The following PCSK5 variants were observed in gnomAD, a reference collection of about 807,000 sequenced individuals.
The protein encoded by PCSK5 is prohormone convertase 5.
Under a neutral mutation model 233.2 loss-of-function variants are expected in PCSK5, and 129 were observed. That is an observed-to-expected ratio of 0.55 (90% CI 0.48 to 0.64). The LOEUF is 0.64. Among genes scored for constraint, PCSK5 ranks in the 30% least tolerant of loss-of-function variants. The pLI, the probability that PCSK5 is intolerant of heterozygous loss-of-function variation, is 0.00. For missense variants in PCSK5, 2,076 were observed against 2,430.1 expected (o/e 0.85, Z 3.06); for synonymous variants, 825 against 879.2 (o/e 0.94, Z 1.09).
chr9:75,943,129 C>T (rs1469517504), intron 2 of PCSK5, among the ~76,000 whole-genome samples: 1 of 152,054 alleles, frequency 6.6e-6, no homozygotes, highest in Admixed American at 6.5e-5. Context: ...AGGTGATCCA[C>T]CCGCCTCTGC....
intron 8 of PCSK5, among the ~76,000 whole-genome samples, chr9:76,098,888 G>A (rs139427486): frequency 5.9e-5 from 9 of 152,226 alleles, no homozygotes; most frequent in Middle Eastern, 3.4e-3. Flanking sequence ...TGTGGTTGCC[G>A]CTGTGACTCC....
chr9:76,236,629 C>CA (rs1432005824), intron 22 of PCSK5, among the ~76,000 whole-genome samples: 1 of 152,218 alleles, frequency 6.6e-6, no homozygotes, highest in Non-Finnish European at 1.5e-5. Flanking sequence ...CAGGGCTACT[C>CA]AAAATCTGAC....
chr9:76,062,809 A>C (rs1830076703), intron 5 of PCSK5, among the ~76,000 whole-genome samples: 1 of 152,210 alleles, frequency 6.6e-6, no homozygotes, highest in African/African-American at 2.4e-5. Flanking sequence ...TAATATTCCA[A>C]ATCTTCTCTT....
At chr9:76,352,278 C>T (rs939850391) in intron 36 of PCSK5, among the ~76,000 whole-genome samples, 22 of 152,168 alleles carry the variant, frequency 1.4e-4, no homozygotes, top group African/African-American at 5.1e-4. Context: ...GGGAGTGTAG[C>T]AGTGAGAACC....
intron 1 of PCSK5, among the ~76,000 whole-genome samples, chr9:75,893,754 A>T: frequency 6.6e-6 from 1 of 152,192 alleles, no homozygotes; most frequent in East Asian, 1.9e-4. Context: ...ACCAAGGATG[A>T]TTTATTGTGG....
At chr9:76,138,910 T>A (rs1823087148) in intron 10 of PCSK5, among the ~76,000 whole-genome samples, 1 of 152,004 alleles carries the variant, frequency 6.6e-6, no homozygotes, top group South Asian at 2.1e-4. Context: ...TCTACCAGCA[T>A]GTTGCTGAAA....
intron 20 of PCSK5, chr9:76,193,289 C>T (rs779108701): frequency 3.0e-5 from 48 of 1,613,060 alleles, no homozygotes; most frequent in Non-Finnish European, 4.0e-5. Context: ...TGAAAAAGAA[C>T]AATCTGTGCC....
At chr9:76,317,801 G>T (rs1265768831) in intron 30 of PCSK5, among the ~76,000 whole-genome samples, 1 of 152,196 alleles carries the variant, frequency 6.6e-6, no homozygotes, top group Non-Finnish European at 1.5e-5. Context: ...GCTGTGAGAA[G>T]AACGTCCCCT....
At chr9:76,195,801 A>T (rs933667753) in intron 20 of PCSK5, 11 of 152,210 alleles carry the variant, frequency 7.2e-5, no homozygotes, top group African/African-American at 2.7e-4. Context: ...TTTGTAAAAT[A>T]TAGTAGAACG....
chr9:76,129,557 G>C (rs1233893097), intron 9 of PCSK5, among the ~76,000 whole-genome samples: 2 of 152,018 alleles, frequency 1.3e-5, no homozygotes, highest in African/African-American at 4.8e-5. Flanking sequence ...TGGGTTGAGC[G>C]GGAGGTTGGT....
rs1830447396 is a variant in PCSK5, at chr9:76,362,650, C to G, written c.*3728C>G. On this transcript the variant is annotated 3_prime_UTR_variant, in exon 38 of 38. Transcript: ENST00000674117. The stretch of plus-strand genomic sequence containing the variant: ...AACTAAAAGGCAAAAATGAAATCCA[C>G]AGGCAGACAGCCCGGCGCTACGCCC... 6.6e-6 allele frequency among the ~76,000 whole-genome samples: 1 copy of G among 152,230 alleles called. No homozygotes were observed. The highest frequency in any genetic ancestry group is 2.1e-4 in the South Asian group (1 of 4,834).
At chr9:76,072,993 C>T (rs871450) in intron 7 of PCSK5, among the ~76,000 whole-genome samples, 1 of 152,078 alleles carries the variant, frequency 6.6e-6, no homozygotes, top group Admixed American at 6.5e-5. Flanking sequence ...TACTAAATTG[C>T]GAGTTCCTAG....
At chr9:76,161,444 CTT>C (rs57216482) in intron 12 of PCSK5, among the ~76,000 whole-genome samples, 4 of 146,574 alleles carry the variant, frequency 2.7e-5, no homozygotes, top group African/African-American at 7.5e-5. Flanking sequence ...TTATTTCTTG[CTT>C]TTTTTTTTTT....
At chr9:76,053,765 A>C (rs10118899) in intron 5 of PCSK5, among the ~76,000 whole-genome samples, 9,922 of 152,042 alleles carry the variant, frequency 0.065, 1,047 homozygotes, top group African/African-American at 0.23. Flanking sequence ...AAACTTTCCC[A>C]CTTTTTCCTG....
rs73650442 is a variant in PCSK5 at position 76,121,175 on chromosome 9, C to T, written c.1209-12934C>T. On this transcript the variant is annotated intron_variant, in intron 9 of 37. Transcript: ENST00000674117. ...TTTCTTTTAGATGTTCTTCATAATG[C>T]GTATGCAGCGTTTTTTGTTTTGTAT... Among the ~76,000 whole-genome samples the T allele has an allele frequency of 3.4e-3, 510 of 151,528 alleles. 4 individuals are homozygous for T. Among genetic ancestry groups the T allele is most frequent in the African/African-American group, 0.011 (468 of 41,296 alleles).
intron 29 of PCSK5, among the ~76,000 whole-genome samples, chr9:76,309,288 A>G (rs564704646): frequency 2.0e-5 from 3 of 152,358 alleles, no homozygotes; most frequent in African/African-American, 7.2e-5. Context: ...GAGCAGCAAC[A>G]TAACAGCTTG....
chr9:75,959,030 A>G lies in PCSK5; in HGVS notation c.297+26547A>G, dbSNP rs991289064. On this transcript the variant is annotated intron_variant, in intron 2 of 37. Transcript: ENST00000674117. ...AAACTTAGGGGACAAAATATTACAA[A>G]TGACATTTTTTAGGCCTGGGAGAGG... Among the ~76,000 whole-genome samples the G allele has an allele frequency of 2.0e-5, 3 of 152,300 alleles. No homozygotes were observed. The East Asian group carries it at 5.8e-4, about 29-fold the overall frequency.
At chr9:76,206,556 G>T (rs1044571474) in intron 20 of PCSK5, among the ~76,000 whole-genome samples, 1 of 152,168 alleles carries the variant, frequency 6.6e-6, no homozygotes, top group South Asian at 2.1e-4. Flanking sequence ...ACAGCTAATT[G>T]TCTCCACTTG....
chr9:76,325,175 G>A (rs72743125), intron 32 of PCSK5, among the ~76,000 whole-genome samples: 12,544 of 152,204 alleles, frequency 0.082, 621 homozygotes, highest in African/African-American at 0.12. Context: ...GGCAGGCTGT[G>A]GAGCTGGGAA....
Sources: gnomAD v4.1 joint callset for allele counts (sites outside exome capture counted in the v4.1 genomes callset) on GRCh38, gnomAD v4.1.1 for gene constraint, MANE v1.5 for transcripts, NCBI Gene and HGNC (gene_info 2026-07-23, HGNC 2026-07-21) for gene names.